The following STK39 variants were observed in gnomAD, a reference collection of about 807,000 sequenced individuals.
STK39 encodes STE20/SPS1-related proline-alanine-rich protein kinase.
Under a neutral mutation model 77.8 loss-of-function variants are expected in STK39, and 20 were observed. The observed-to-expected ratio is 0.26, with a 90% CI of 0.18 to 0.37. The LOEUF (loss-of-function observed/expected upper bound fraction) is 0.37, where lower values mean the gene tolerates loss of function less well. Ranked by LOEUF, STK39 falls within the 10% of genes least tolerant of loss-of-function variation. STK39 has a pLI of 1.00. For synonymous variants in STK39, 246 were observed against 234.1 expected (o/e 1.05, Z -0.47); for missense variants, 479 against 656.5 (o/e 0.73, Z 2.95).
At chr2:168,145,773 G>C (rs1478274754) in intron 5 of STK39, among the ~76,000 whole-genome samples, 1 of 152,142 alleles carries the variant, frequency 6.6e-6, no homozygotes, top group African/African-American at 2.4e-5. Context: ...TGCTGGGGGG[G>C]TTCTGATAGC....
At chr2:167,992,402 T>C (rs559874502) in intron 16 of STK39, among the ~76,000 whole-genome samples, 5 of 152,036 alleles carry the variant, frequency 3.3e-5, no homozygotes, top group African/African-American at 9.7e-5. Context: ...CTCTGCACTA[T>C]AGCAAAAACC....
chr2:168,190,361 G>A (rs768343498), intron 1 of STK39, among the ~76,000 whole-genome samples: 15 of 152,188 alleles, frequency 9.9e-5, no homozygotes, highest in Non-Finnish European at 1.9e-4. Flanking sequence ...CTCTAAGTAG[G>A]TCGCTGTGGG....
At chr2:168,195,571 CCAAAAT>C (rs1436015434) in intron 1 of STK39, among the ~76,000 whole-genome samples, 2 of 152,026 alleles carry the variant, frequency 1.3e-5, no homozygotes, top group African/African-American at 4.8e-5. Flanking sequence ...CTGTAAAAGC[CCAAAAT>C]TCAGATTCAA....
intron 10 of STK39, among the ~76,000 whole-genome samples, chr2:168,087,754 T>C (rs1290240519): frequency 6.6e-6 from 1 of 152,220 alleles, no homozygotes; most frequent in Admixed American, 6.5e-5. Flanking sequence ...TCACTATCGG[T>C]ATTTATAAAC....
At chr2:168,229,204 G>C (rs961284821) in intron 1 of STK39, among the ~76,000 whole-genome samples, 1 of 151,970 alleles carries the variant, frequency 6.6e-6, no homozygotes, top group Admixed American at 6.6e-5. Flanking sequence ...GGCCAATATG[G>C]TGAAACCCAT....
chr2:167,965,627 C>T (rs898118683), intron 16 of STK39, among the ~76,000 whole-genome samples: 20 of 152,104 alleles, frequency 1.3e-4, no homozygotes, highest in Non-Finnish European at 2.1e-4. Context: ...CAAATAAGGG[C>T]TATTGCTTAG....
chr2:168,155,381 A>G (rs555575534), intron 5 of STK39, among the ~76,000 whole-genome samples: 2 of 152,182 alleles, frequency 1.3e-5, no homozygotes, highest in African/African-American at 2.4e-5. Context: ...ATCAAATGTT[A>G]CCATTTGTCG....
At chr2:168,001,745 G>A (rs1684007453) in intron 16 of STK39, among the ~76,000 whole-genome samples, 1 of 152,092 alleles carries the variant, frequency 6.6e-6, no homozygotes, top group African/African-American at 2.4e-5. Flanking sequence ...AACCAATGAA[G>A]TAAAAAAACA....
At chr2:168,161,692 A>C in intron 5 of STK39, 95 bp downstream of exon 5, 1 of 811,734 alleles carries the variant, frequency 1.2e-6, no homozygotes, top group East Asian at 2.7e-5. Flanking sequence ...AAGAGATTAC[A>C]TGCATTTATT....
At chr2:168,225,979 A>G (rs1453388984) in intron 1 of STK39, among the ~76,000 whole-genome samples, 1 of 152,234 alleles carries the variant, frequency 6.6e-6, no homozygotes, top group Non-Finnish European at 1.5e-5. Flanking sequence ...TCCAGCAATT[A>G]GCAGCCATAG....
chr2:168,124,778 A>G (rs1270088413), intron 10 of STK39, among the ~76,000 whole-genome samples: 1 of 152,212 alleles, frequency 6.6e-6, no homozygotes. Flanking sequence ...TATCACTAAC[A>G]TAAAACTTAG....
chr2:168,028,529 T>A (rs1461154407), intron 14 of STK39, among the ~76,000 whole-genome samples: 1 of 152,204 alleles, frequency 6.6e-6, no homozygotes, highest in Non-Finnish European at 1.5e-5. Flanking sequence ...GGAGTAATCA[T>A]ATAAATACCA....
chr2:168,211,024 GA>G (rs1689877880), intron 1 of STK39, among the ~76,000 whole-genome samples: 3 of 152,124 alleles, frequency 2.0e-5, no homozygotes, highest in Non-Finnish European at 4.4e-5. Flanking sequence ...GTTAAAAAGA[GA>G]AAGTATAACG....
intron 2 of STK39, among the ~76,000 whole-genome samples, chr2:168,168,775 G>A (rs934279970): frequency 9.2e-5 from 14 of 152,162 alleles, no homozygotes; most frequent in African/African-American, 2.9e-4. Flanking sequence ...CGGATCACCC[G>A]AGGTCAGGAG....
intron 5 of STK39, among the ~76,000 whole-genome samples, chr2:168,155,918 C>T (rs1027915491): frequency 3.3e-5 from 5 of 152,192 alleles, no homozygotes; most frequent in Admixed American, 6.5e-5. Flanking sequence ...GGGTGTCTCC[C>T]GTGCCTCTAG....
chr2:167,964,736 A>G lies in STK39; in HGVS notation c.1499-10T>C. The G allele has an allele frequency of 6.2e-7, 1 of 1,604,510 alleles. No homozygotes were observed. Among genetic ancestry groups the G allele is most frequent in the Non-Finnish European group, 8.5e-7 (1 of 1,175,076 alleles). The stretch of plus-strand genomic sequence containing the variant: ...TGTAAATTAGCAGCCACTGTAAAAT[A>G]TAAACGTAGAGAGAAAGTTTCCAGA... On this transcript the variant is annotated splice_polypyrimidine_tract_variant and intron_variant, in intron 16 of 17. Coordinates refer to ENST00000355999, the MANE Select transcript of STK39 (RefSeq NM_013233.3).
chr2:168,005,330 T>C (rs1391093741), intron 16 of STK39, among the ~76,000 whole-genome samples: 2 of 151,918 alleles, frequency 1.3e-5, no homozygotes, highest in Non-Finnish European at 2.9e-5. Flanking sequence ...ACAAACCATA[T>C]TCCTTTCCCA....
At chr2:168,014,205 C>A (rs748096081) in intron 15 of STK39, among the ~76,000 whole-genome samples, 1 of 152,156 alleles carries the variant, frequency 6.6e-6, no homozygotes, top group Non-Finnish European at 1.5e-5. Context: ...AACACCTTGG[C>A]CCAGTGCAAT....
At chr2:167,991,621 A>G (rs1043074706) in intron 16 of STK39, among the ~76,000 whole-genome samples, 2 of 152,170 alleles carry the variant, frequency 1.3e-5, no homozygotes, top group Non-Finnish European at 2.9e-5. Flanking sequence ...TTAGGAGGGG[A>G]GCACATACTG....
Sources: gnomAD v4.1 joint callset for allele counts (sites outside exome capture counted in the v4.1 genomes callset) on GRCh38, gnomAD v4.1.1 for gene constraint, MANE v1.5 for transcripts, NCBI Gene and HGNC (gene_info 2026-07-23, HGNC 2026-07-21) for gene names.